Variants in MARCHF8 observed in about 807,000 individuals in gnomAD.
MARCHF8 encodes the protein E3 ubiquitin-protein ligase MARCHF8.
A neutral mutation model predicts 51.6 loss-of-function variants in MARCHF8; 40 were observed. The observed-to-expected ratio is 0.77, with a 90% CI of 0.60 to 1.01. MARCHF8 has a LOEUF of 1.01. Among genes scored for constraint, MARCHF8 ranks in the 50% least tolerant of loss-of-function variants. MARCHF8 has a pLI of 0.00. For missense variants in MARCHF8, 685 were observed against 708.6 expected (o/e 0.97, Z 0.38); for synonymous variants, 263 against 280.3 (o/e 0.94, Z 0.62).
chr10:45,530,895 T>C (rs142926527), intron 2 of MARCHF8, among the ~76,000 whole-genome samples: 226 of 152,354 alleles, frequency 1.5e-3, no homozygotes, highest in African/African-American at 5.2e-3. Context: ...ACTGTCATTA[T>C]AGCTGTTATT....
chr10:45,495,908 C>CCTTTGA (rs1354250919), intron 2 of MARCHF8, among the ~76,000 whole-genome samples: 1 of 151,658 alleles, frequency 6.6e-6, no homozygotes, highest in Non-Finnish European at 1.5e-5. Flanking sequence ...AAAAGAAAAA[C>CCTTTGA]TAAAAGCAGC....
rs532657167 is a variant in MARCHF8, at chr10:45,517,538, G to A, written c.102+15572C>T. 6.6e-5 allele frequency among the ~76,000 whole-genome samples: 10 copies of A among 152,178 alleles called. No homozygotes were observed. The East Asian group carries it at 9.7e-4, about 15-fold the overall frequency. On this transcript the variant is annotated intron_variant, in intron 2 of 7. Coordinates refer to ENST00000453424, the MANE Select transcript of MARCHF8 (RefSeq NM_001282866.2). ...CCCCAGACCTCTTGCTCCTGCTCTC[G>A]CCATATGAGACAACACTCTCCCTCT...
chr10:45,538,415 G>A (rs967656188), upstream of MARCHF8, among the ~76,000 whole-genome samples: 2 of 152,138 alleles, frequency 1.3e-5, no homozygotes, highest in Non-Finnish European at 2.9e-5. Context: ...CAACTAACGT[G>A]CAAAATAACC....
At chr10:45,506,386 T>C (rs1297791180) in intron 2 of MARCHF8, among the ~76,000 whole-genome samples, 1 of 152,250 alleles carries the variant, frequency 6.6e-6, no homozygotes, top group Non-Finnish European at 1.5e-5. Flanking sequence ...GGTTTACTGA[T>C]TGAATAAACT....
intron 1 of MARCHF8, among the ~76,000 whole-genome samples, chr10:45,541,314 G>A (rs530095359): frequency 6.6e-6 from 1 of 152,102 alleles, no homozygotes; most frequent in Non-Finnish European, 1.5e-5. Context: ...GCAAACTATT[G>A]CAAGGACAAA....
At chr10:45,462,005 T>A (rs1441044636) in intron 5 of MARCHF8, 1 of 152,158 alleles carries the variant, frequency 6.6e-6, no homozygotes, top group Non-Finnish European at 1.5e-5. Context: ...TAGCAATAAG[T>A]GAGAAATTAA....
intron 2 of MARCHF8, among the ~76,000 whole-genome samples, chr10:45,506,092 AAT>A (rs1390661811): frequency 7.0e-6 from 1 of 143,792 alleles, no homozygotes; most frequent in Non-Finnish European, 1.6e-5. Flanking sequence ...CTCTTAAAGT[AAT>A]ATATTCTGAT....
intron 6 of MARCHF8, among the ~76,000 whole-genome samples, chr10:45,460,070 A>T (rs932255093): frequency 2.0e-5 from 3 of 152,196 alleles, no homozygotes; most frequent in African/African-American, 7.2e-5. Flanking sequence ...ATAAATTACA[A>T]GGTTTCTACT....
rs550125282 is a variant in MARCHF8, at chr10:45,483,062, C to G, written c.153+6305G>C. On this transcript the variant is annotated intron_variant, in intron 3 of 7. Transcript: ENST00000453424. ...ATTAGAAGAAAACACAGGGATTACA[C>G]TTCAAGACATTGATCTAGGCAATGA... 2.0e-5 allele frequency among the ~76,000 whole-genome samples: 3 copies of G among 152,282 alleles called. No homozygotes were observed. In the South Asian group the frequency reaches 6.2e-4, roughly 32 times the overall value.
intron 1 of MARCHF8, among the ~76,000 whole-genome samples, chr10:45,570,818 T>A (rs2044420160): frequency 6.6e-6 from 1 of 152,100 alleles, no homozygotes; most frequent in Non-Finnish European, 1.5e-5. Context: ...ACCAACAAAA[T>A]GAAATTTTAA....
chr10:45,485,447 A>C (rs762643994), intron 3 of MARCHF8, among the ~76,000 whole-genome samples: 1 of 152,182 alleles, frequency 6.6e-6, no homozygotes, highest in Non-Finnish European at 1.5e-5. Flanking sequence ...TGCCATTGTA[A>C]TTGCTTAAAT....
At chr10:45,592,682 GCTA>G (rs751587139) in intron 1 of MARCHF8, among the ~76,000 whole-genome samples, 33 of 152,116 alleles carry the variant, frequency 2.2e-4, no homozygotes, top group Non-Finnish European at 3.7e-4. Flanking sequence ...AGAACCAGAC[GCTA>G]CTACTGACAA....
rs936089271 is a variant in MARCHF8 at position 45,463,932 on chromosome 10, C to T, written c.307G>A (p.Ala103Thr). The change falls in exon 5 of 8, where the codon GCT becomes ACT. Residue 103 changes from alanine (A) to threonine (T), a missense_variant. Ala to Thr is a moderately conservative substitution (Grantham distance 58, BLOSUM62 0). Transcript: ENST00000453424. ...GTCAGAGAACTCTGGCAGTGAGGAG[C>T]TTTCGAGACAACAGCAGACTGCACG... The part of the protein sequence containing the change: ...SSVQSAVVSK[A>T]PHCQSSLTQG... The T allele has an allele frequency of 6.5e-7, 1 of 1,536,112 alleles. No individual in the cohort carries two copies. The highest frequency in any genetic ancestry group is 8.7e-7 in the Non-Finnish European group (1 of 1,146,938).
At chr10:45,459,825 C>G (rs1204767949) in intron 6 of MARCHF8, 1 of 985,312 alleles carries the variant, frequency 1.0e-6, no homozygotes, top group East Asian at 1.1e-4. Context: ...AGTCCCATCT[C>G]CTCTAGGAGC....
chr10:45,564,788 AT>A (rs919844506), intron 1 of MARCHF8, among the ~76,000 whole-genome samples: 121 of 149,786 alleles, frequency 8.1e-4, no homozygotes, highest in Non-Finnish European at 1.2e-3. Context: ...CGGCCAGCTG[AT>A]TTTTTTTTTA....
chr10:45,465,523 T>C (rs1343185368), intron 3 of MARCHF8, among the ~76,000 whole-genome samples: 2 of 152,222 alleles, frequency 1.3e-5, no homozygotes, highest in Admixed American at 6.5e-5. Flanking sequence ...CCCCGACCCT[T>C]GGTCAACCAC....
At chr10:45,556,128 T>C (rs920554124) in intron 1 of MARCHF8, among the ~76,000 whole-genome samples, 1 of 152,204 alleles carries the variant, frequency 6.6e-6, no homozygotes, top group African/African-American at 2.4e-5. Context: ...GTGCACAAGA[T>C]AAACGGCATG....
At chr10:45,462,593 A>C (rs559758723) in intron 5 of MARCHF8, among the ~76,000 whole-genome samples, 2 of 151,848 alleles carry the variant, frequency 1.3e-5, no homozygotes, top group South Asian at 4.2e-4. Flanking sequence ...TTGGCCTTTA[A>C]TATGTGTAGC....
intron 2 of MARCHF8, among the ~76,000 whole-genome samples, chr10:45,508,738 C>A (rs989374990): frequency 6.6e-6 from 1 of 152,104 alleles, no homozygotes. Flanking sequence ...AGATTCATTT[C>A]TCTGTAAAGT....
Sources: gnomAD v4.1 joint callset for allele counts (sites outside exome capture counted in the v4.1 genomes callset) on GRCh38, gnomAD v4.1.1 for gene constraint, MANE v1.5 for transcripts, NCBI Gene and HGNC (gene_info 2026-07-23, HGNC 2026-07-21) for gene names.